ROBO2: variants seen among roughly 807,000 people sequenced by gnomAD.
ROBO2 encodes the protein roundabout guidance receptor 2.
A neutral mutation model predicts 160.8 loss-of-function variants in ROBO2; 53 were observed. The observed-to-expected ratio is 0.33, with a 90% CI of 0.26 to 0.41. The LOEUF is 0.41. ROBO2 is among the 10% of genes least tolerant of loss of function. The pLI is 1.00. For synonymous variants in ROBO2, 664 were observed against 611.7 expected, an observed-to-expected ratio of 1.09 and a Z score of -1.26; for missense variants, 1,577 against 1,722.4, an observed-to-expected ratio of 0.92 and a Z score of 1.49.
intron 2 of ROBO2, among the ~76,000 whole-genome samples, chr3:77,455,545 C>G (rs2081540955): frequency 6.6e-6 from 1 of 152,134 alleles, no homozygotes; most frequent in South Asian, 2.1e-4. Context: ...TATTCACCCA[C>G]CACACCCTCC....
At chr3:77,494,307 T>C (rs1035742386) in intron 5 of ROBO2, among the ~76,000 whole-genome samples, 1 of 152,156 alleles carries the variant, frequency 6.6e-6, no homozygotes, top group African/African-American at 2.4e-5. Context: ...CTGGGCACGA[T>C]GGCTGACTCC....
intron 2 of ROBO2, among the ~76,000 whole-genome samples, chr3:77,433,283 T>C (rs1481560426): frequency 6.6e-6 from 1 of 151,758 alleles, no homozygotes; most frequent in African/African-American, 2.4e-5. Flanking sequence ...TCCTCCTGCA[T>C]TTCAGATAAT....
chr3:76,199,097 G>A (rs1016241332), intron 2 of ROBO2, among the ~76,000 whole-genome samples: 4 of 152,088 alleles, frequency 2.6e-5, no homozygotes, highest in Non-Finnish European at 5.9e-5. Context: ...CAGGGCCTCA[G>A]TTCTTTTGCA....
At chr3:77,463,927 T>C (rs2082501711) in intron 2 of ROBO2, among the ~76,000 whole-genome samples, 2 of 152,204 alleles carry the variant, frequency 1.3e-5, no homozygotes, top group Non-Finnish European at 2.9e-5. Context: ...AATTAAAAAT[T>C]GACAGCCATT....
intron 2 of ROBO2, among the ~76,000 whole-genome samples, chr3:76,416,571 A>G (rs888075572): frequency 2.6e-5 from 4 of 152,142 alleles, no homozygotes; most frequent in African/African-American, 9.7e-5. Flanking sequence ...TTTCTTGACA[A>G]TTTTGCTATG....
chr3:77,115,241 G>A (rs1036904247), intron 2 of ROBO2, among the ~76,000 whole-genome samples: 9 of 152,056 alleles, frequency 5.9e-5, no homozygotes, highest in African/African-American at 2.2e-4. Context: ...TACTACACAT[G>A]TAAGTAAAGT....
intron 2 of ROBO2, among the ~76,000 whole-genome samples, chr3:76,524,625 T>C (rs1185889953): frequency 1.3e-5 from 2 of 151,512 alleles, no homozygotes; most frequent in East Asian, 3.9e-4. Context: ...AAAAATGAGT[T>C]GATTTCTCTT....
At chr3:76,057,015 TACTTA>T (rs1220022789) in intron 2 of ROBO2, among the ~76,000 whole-genome samples, 1 of 152,216 alleles carries the variant, frequency 6.6e-6, no homozygotes, top group Non-Finnish European at 1.5e-5. Context: ...ATATTCTGTC[TACTTA>T]ACTTTGGATT....
chr3:76,579,824 T>C (rs2108701331), intron 2 of ROBO2, among the ~76,000 whole-genome samples: 1 of 151,660 alleles, frequency 6.6e-6, no homozygotes, highest in African/African-American at 2.4e-5. Context: ...AAAACAAAAC[T>C]TTGAGTCTGT....
intron 20 of ROBO2, among the ~76,000 whole-genome samples, chr3:77,606,588 T>A (rs1223931549): frequency 6.6e-6 from 1 of 152,228 alleles, no homozygotes; most frequent in Non-Finnish European, 1.5e-5. Context: ...CACTATTTTA[T>A]AACTGGCAAT....
chr3:76,077,710 G>A (rs997022803), intron 2 of ROBO2, among the ~76,000 whole-genome samples: 2 of 152,130 alleles, frequency 1.3e-5, no homozygotes, highest in Non-Finnish European at 2.9e-5. Flanking sequence ...ATGTGGGTAT[G>A]AAAAATTAAA....
chr3:76,069,054 A>G (rs1220221248), intron 2 of ROBO2, among the ~76,000 whole-genome samples: 1 of 151,840 alleles, frequency 6.6e-6, no homozygotes, highest in African/African-American at 2.4e-5. Flanking sequence ...TTTTCTTTTT[A>G]TCTCAGATGG....
chr3:76,585,762 T>C (rs2085995313), intron 2 of ROBO2, among the ~76,000 whole-genome samples: 1 of 152,210 alleles, frequency 6.6e-6, no homozygotes, highest in Non-Finnish European at 1.5e-5. Context: ...TTAGTGGTGA[T>C]GTCCACATGA....
intron 1 of ROBO2, among the ~76,000 whole-genome samples, chr3:77,096,681 C>T (rs2071113174): frequency 1.3e-5 from 2 of 152,092 alleles, no homozygotes; most frequent in South Asian, 2.1e-4. Context: ...AACTCCTGAC[C>T]TCAGGTGATC....
chr3:75,929,764 G>A (rs1002468251), intron 1 of ROBO2, among the ~76,000 whole-genome samples: 4 of 150,272 alleles, frequency 2.7e-5, no homozygotes, highest in East Asian at 2.0e-4. Flanking sequence ...GTGTGATCTC[G>A]GCTCACTGCA....
At chr3:77,592,778 C>T (rs775725) in intron 17 of ROBO2, among the ~76,000 whole-genome samples, 89,694 of 151,994 alleles carry the variant, frequency 0.59, 26,524 homozygotes, top group Middle Eastern at 0.71. Context: ...TCTTGAACTC[C>T]TGACCTCGTG....
At chr3:77,149,270 C>G (rs1197104681) in intron 2 of ROBO2, among the ~76,000 whole-genome samples, 1 of 151,984 alleles carries the variant, frequency 6.6e-6, no homozygotes, top group Non-Finnish European at 1.5e-5. Context: ...CTCCTGACCT[C>G]GTGATTTGCT....
intron 2 of ROBO2, among the ~76,000 whole-genome samples, chr3:76,821,110 T>C (rs2066083790): frequency 6.6e-6 from 1 of 151,898 alleles, no homozygotes; most frequent in Non-Finnish European, 1.5e-5. Context: ...GGAAATAATC[T>C]TCTGCGTATT....
At chr3:77,033,564 G>C (rs1329942999) in intron 2 of ROBO2, among the ~76,000 whole-genome samples, 2 of 152,058 alleles carry the variant, frequency 1.3e-5, no homozygotes, top group African/African-American at 4.8e-5. Context: ...GCCAGTTATA[G>C]AGGCAAGCTA....
Sources: gnomAD v4.1 joint callset for allele counts (sites outside exome capture counted in the v4.1 genomes callset) on GRCh38, gnomAD v4.1.1 for gene constraint, MANE v1.5 for transcripts, NCBI Gene and HGNC (gene_info 2026-07-23, HGNC 2026-07-21) for gene names.